Variants in FBXL17 observed in about 807,000 individuals in gnomAD.
FBXL17 encodes F-box and leucine rich repeat protein 17, also known as F-box/LRR-repeat protein 17.
Under a neutral mutation model 66.2 loss-of-function variants are expected in FBXL17, and 22 were observed. The ratio of observed to expected loss-of-function variants is 0.33; its 90% CI spans 0.24 to 0.47. The LOEUF (loss-of-function observed/expected upper bound fraction) is 0.47, where lower values mean the gene tolerates loss of function less well. Among genes scored for constraint, FBXL17 ranks in the 20% least tolerant of loss-of-function variants. The probability of loss-of-function intolerance (pLI) is 1.00; values close to 1 mark genes in which losing one functional copy is unlikely to be tolerated. For synonymous variants in FBXL17, 474 were observed against 400.5 expected, an observed-to-expected ratio of 1.18 and a Z score of -2.19; for missense variants, 878 against 948.2, an observed-to-expected ratio of 0.93 and a Z score of 0.97.
chr5:108,204,163 T>A (rs1228941472), intron 5 of FBXL17, among the ~76,000 whole-genome samples: 2 of 152,064 alleles, frequency 1.3e-5, no homozygotes, highest in African/African-American at 2.4e-5. Flanking sequence ...AAATAAAAAT[T>A]CTCTACCATC....
At chr5:108,120,079 A>T (rs1340934773) in intron 6 of FBXL17, among the ~76,000 whole-genome samples, 1 of 152,232 alleles carries the variant, frequency 6.6e-6, no homozygotes, top group East Asian at 1.9e-4. Flanking sequence ...ACTAGGCACT[A>T]GGTGAAACGA....
At chr5:107,878,656 G>C in intron 8 of FBXL17, 1 of 985,364 alleles carries the variant, frequency 1.0e-6, no homozygotes, top group Non-Finnish European at 1.2e-6. Context: ...TCTGGAGATG[G>C]ATGGCATGAT....
At chr5:108,007,570 G>A (rs56768771) in intron 7 of FBXL17, among the ~76,000 whole-genome samples, 1 of 151,940 alleles carries the variant, frequency 6.6e-6, no homozygotes, top group Admixed American at 6.6e-5. Context: ...CCCACTGCAC[G>A]TAAAAAATGT....
intron 4 of FBXL17, among the ~76,000 whole-genome samples, chr5:108,326,557 C>T (rs758267124): frequency 7.1e-4 from 108 of 152,088 alleles, no homozygotes; most frequent in Middle Eastern, 6.8e-3. Flanking sequence ...GAGCCAAGAA[C>T]CTGACACTGC....
At chr5:108,160,963 C>T (rs1249126601) in intron 6 of FBXL17, among the ~76,000 whole-genome samples, 3 of 152,118 alleles carry the variant, frequency 2.0e-5, no homozygotes, top group Non-Finnish European at 4.4e-5. Context: ...TTTCTTCACC[C>T]TGCTTTTGGG....
At position 108,382,066 on chromosome 5, in the gene FBXL17, G is replaced by T; in HGVS notation, c.-375C>A. ...GTCCCGCTCGGACCATTTTAACTGCGGATCCGCCGCCGGCGCGCGCACCCG... is the reference window on the plus strand; with the variant it reads ...GTCCCGCTCGGACCATTTTAACTGCTGATCCGCCGCCGGCGCGCGCACCCG... On this transcript the variant is annotated 5_prime_UTR_variant, in exon 1 of 9. Transcript: ENST00000542267. The T allele has an allele frequency of 1.4e-6, 1 of 726,610 alleles. No individual in the cohort carries two copies. Among genetic ancestry groups the T allele is most frequent in the Non-Finnish European group, 1.7e-6 (1 of 582,486 alleles). The allele number at this position is 726,610 out of a possible 1,614,324, so 45.0% of individuals were successfully genotyped here. A position where few individuals can be genotyped will look rare whatever the true frequency, so the allele number is the denominator to read the frequency against.
At chr5:107,909,318 C>T (rs1046082150) in intron 7 of FBXL17, among the ~76,000 whole-genome samples, 1 of 152,168 alleles carries the variant, frequency 6.6e-6, no homozygotes, top group Admixed American at 6.5e-5. Flanking sequence ...AAATTAGCTT[C>T]AAATAATGAT....
At chr5:108,339,671 A>C (rs1425438499) in intron 4 of FBXL17, among the ~76,000 whole-genome samples, 2 of 152,192 alleles carry the variant, frequency 1.3e-5, no homozygotes, top group Non-Finnish European at 1.5e-5. Flanking sequence ...ACTAACCATA[A>C]ATTTTAAATC....
At chr5:108,102,475 T>C (rs1173660503) in intron 6 of FBXL17, among the ~76,000 whole-genome samples, 1 of 152,158 alleles carries the variant, frequency 6.6e-6, no homozygotes, top group Admixed American at 6.5e-5. Flanking sequence ...TCTCGGCAAA[T>C]TGCTTAAACC....
At chr5:108,161,461 G>C (rs549927112) in intron 6 of FBXL17, among the ~76,000 whole-genome samples, 1 of 151,058 alleles carries the variant, frequency 6.6e-6, no homozygotes, top group South Asian at 2.2e-4. Context: ...ACTCCAGCCT[G>C]GGCGACAGCG....
chr5:108,276,814 G>A (rs1412471844), intron 4 of FBXL17, among the ~76,000 whole-genome samples: 2 of 152,126 alleles, frequency 1.3e-5, no homozygotes, highest in African/African-American at 4.8e-5. Flanking sequence ...TTGAAATGAT[G>A]TATGGGTGGT....
At chr5:108,090,452 T>C (rs1475300470) in intron 6 of FBXL17, among the ~76,000 whole-genome samples, 2 of 152,186 alleles carry the variant, frequency 1.3e-5, no homozygotes, top group African/African-American at 4.8e-5. Flanking sequence ...CACCATAATA[T>C]TTCTTATGGA....
chr5:108,010,936 G>C (rs1754151528), intron 7 of FBXL17, among the ~76,000 whole-genome samples: 1 of 152,126 alleles, frequency 6.6e-6, no homozygotes, highest in Admixed American at 6.6e-5. Context: ...TTGAACTCAG[G>C]TAAACTGGAA....
rs988833287 is a variant in FBXL17 at position 108,235,261 on chromosome 5, C to T, written c.1507-11033G>A. On this transcript the variant is annotated intron_variant, in intron 4 of 8. Coordinates refer to ENST00000542267, the MANE Select transcript of FBXL17 (RefSeq NM_001163315.3). ...AAATTTTCCTAGACTTCACCCCAGACTACTAATTCAGAGCCTGAAAACATA... is the reference window on the plus strand; with the variant it reads ...AAATTTTCCTAGACTTCACCCCAGATTACTAATTCAGAGCCTGAAAACATA... Among the ~76,000 whole-genome samples the T allele has an allele frequency of 4.6e-5, 7 of 152,296 alleles. No individual in the cohort carries two copies. The East Asian group carries it at 1.3e-3, about 29-fold the overall frequency.
intron 4 of FBXL17, among the ~76,000 whole-genome samples, chr5:108,242,094 T>C (rs1369630208): frequency 2.0e-5 from 3 of 152,180 alleles, no homozygotes; most frequent in African/African-American, 7.2e-5. Context: ...AACTCACTTG[T>C]AATGGTAAGT....
At chr5:107,868,041 G>C (rs547223880) in intron 8 of FBXL17, among the ~76,000 whole-genome samples, 1 of 152,230 alleles carries the variant, frequency 6.6e-6, no homozygotes, top group African/African-American at 2.4e-5. Flanking sequence ...GGACGGGGAA[G>C]ACAGGAAAGG....
rs1475870219 is a variant in FBXL17 at position 108,009,298 on chromosome 5, T to TAGATAGATAG, written c.1822+11626_1822+11627insCTATCTATCT. Among the ~76,000 whole-genome samples, 25 of 71,408 alleles carry TAGATAGATAG rather than the reference T, an allele frequency of 3.5e-4. 4 individuals are homozygous for TAGATAGATAG. The highest frequency in any genetic ancestry group is 1.6e-3 in the African/African-American group (23 of 14,454). 46.8% of individuals were successfully genotyped at this position (71,408 alleles called of 152,430 possible). A position where few individuals can be genotyped will look rare whatever the true frequency, so the allele number is the denominator to read the frequency against. On this transcript the variant is annotated intron_variant, in intron 7 of 8. Coordinates refer to ENST00000542267, the MANE Select transcript of FBXL17 (RefSeq NM_001163315.3). ...ATATATATATATATATATATATATATATACATATATACATACACATATAGT... is the reference window on the plus strand; with the variant it reads ...ATATATATATATATATATATATATATAGATAGATAGATACATATATACATACACATATAGT...
intron 7 of FBXL17, among the ~76,000 whole-genome samples, chr5:107,894,787 A>G (rs1028716213): frequency 3.3e-5 from 5 of 152,132 alleles, no homozygotes; most frequent in African/African-American, 1.2e-4. Context: ...TAATCAAAAT[A>G]AAGAGACTGA....
At chr5:108,017,193 T>C (rs1360935613) in intron 7 of FBXL17, among the ~76,000 whole-genome samples, 1 of 152,142 alleles carries the variant, frequency 6.6e-6, no homozygotes, top group Non-Finnish European at 1.5e-5. Flanking sequence ...GAGAAAATTA[T>C]CCACATAAAA....
Sources: gnomAD v4.1 joint callset for allele counts (sites outside exome capture counted in the v4.1 genomes callset) on GRCh38, gnomAD v4.1.1 for gene constraint, MANE v1.5 for transcripts, NCBI Gene and HGNC (gene_info 2026-07-23, HGNC 2026-07-21) for gene names.